The following VAV3 variants were observed in gnomAD, a reference collection of about 807,000 sequenced individuals.
The protein encoded by VAV3 is vav guanine nucleotide exchange factor 3.
Under a neutral mutation model 131.2 loss-of-function variants are expected in VAV3, and 94 were observed. The observed-to-expected ratio is 0.72, with a 90% CI of 0.61 to 0.85. VAV3 has a LOEUF of 0.85. Ranked by LOEUF, VAV3 falls within the 40% of genes least tolerant of loss-of-function variation. The pLI is 0.00. For missense variants in VAV3, 939 were observed against 1,002.7 expected (o/e 0.94, Z 0.86); for synonymous variants, 349 against 342.0 (o/e 1.02, Z -0.22).
intron 1 of VAV3, among the ~76,000 whole-genome samples, chr1:107,879,032 A>AT (rs984358700): frequency 1.3e-5 from 2 of 151,864 alleles, no homozygotes; most frequent in African/African-American, 4.8e-5. Context: ...TGCCATCATT[A>AT]TTTTTTTAAT....
At chr1:107,945,193 G>C (rs1233589148) in intron 1 of VAV3, among the ~76,000 whole-genome samples, 1 of 152,006 alleles carries the variant, frequency 6.6e-6, no homozygotes, top group East Asian at 1.9e-4. Context: ...ATGTTTATTT[G>C]CCCTCTCTTC....
chr1:107,909,090 AAAAAT>A (rs1672248612), intron 1 of VAV3, among the ~76,000 whole-genome samples: 1 of 152,206 alleles, frequency 6.6e-6, no homozygotes, highest in South Asian at 2.1e-4. Context: ...TTTGCTATCT[AAAAAT>A]AACTTTTTCA....
chr1:107,574,473 G>GAAACA (rs1048994872), intron 25 of VAV3, among the ~76,000 whole-genome samples: 2 of 151,906 alleles, frequency 1.3e-5, no homozygotes, highest in Non-Finnish European at 2.9e-5. Flanking sequence ...TTATAAAAAT[G>GAAACA]AAACAAAACA....
intron 1 of VAV3, among the ~76,000 whole-genome samples, chr1:107,898,512 T>A (rs775651852): frequency 1.2e-4 from 19 of 152,188 alleles, no homozygotes; most frequent in Non-Finnish European, 2.8e-4. Flanking sequence ...TCTTTATAAG[T>A]GCTCTGTTAC....
At chr1:107,946,526 A>G (rs1185271092) in intron 1 of VAV3, among the ~76,000 whole-genome samples, 2 of 152,244 alleles carry the variant, frequency 1.3e-5, no homozygotes, top group Non-Finnish European at 2.9e-5. Flanking sequence ...AAAAATGTTT[A>G]TGACCATTGA....
intron 9 of VAV3, among the ~76,000 whole-genome samples, chr1:107,761,095 AAAT>A (rs1462020968): frequency 6.6e-6 from 1 of 152,246 alleles, no homozygotes; most frequent in African/African-American, 2.4e-5. Context: ...TTGTGTATGA[AAAT>A]TATTTTCTTG....
At chr1:107,645,324 T>A (rs967813640) in intron 19 of VAV3, among the ~76,000 whole-genome samples, 8 of 57,330 alleles carry the variant, frequency 1.4e-4, no homozygotes, top group African/African-American at 3.1e-4. Context: ...GGAATGTATT[T>A]TTTTTTTTTT....
At chr1:107,821,411 A>G (rs549885316) in intron 2 of VAV3, among the ~76,000 whole-genome samples, 1 of 152,358 alleles carries the variant, frequency 6.6e-6, no homozygotes, top group South Asian at 2.1e-4. Flanking sequence ...TGCTGGGCCA[A>G]TGAAGGAGGG....
intron 15 of VAV3, among the ~76,000 whole-genome samples, chr1:107,738,881 C>A (rs1662841381): frequency 6.6e-6 from 1 of 152,154 alleles, no homozygotes. Flanking sequence ...CTCTACACTA[C>A]TCAGACAAGC....
intron 12 of VAV3, 133 bp downstream of exon 12, chr1:107,755,294 G>A (rs1333722389): frequency 8.7e-6 from 6 of 689,900 alleles, no homozygotes; most frequent in African/African-American, 3.6e-5. Context: ...CATGAACACT[G>A]CCAAACAAAG....
chr1:107,782,752 C>T (rs548933011), intron 2 of VAV3, among the ~76,000 whole-genome samples: 6 of 152,306 alleles, frequency 3.9e-5, no homozygotes, highest in Admixed American at 2.0e-4. Context: ...GAAGCGTATC[C>T]GGATTTGGAA....
At chr1:107,785,287 G>A (rs1665920263) in intron 2 of VAV3, among the ~76,000 whole-genome samples, 1 of 152,170 alleles carries the variant, frequency 6.6e-6, no homozygotes, top group African/African-American at 2.4e-5. Flanking sequence ...AGGAAGCCAT[G>A]AGACCAACAT....
rs769879359 is a variant in VAV3 at position 107,683,536 on chromosome 1, G to A, written c.1732-3C>T. 5.0e-6 allele frequency: 8 copies of A among 1,613,790 alleles called. No homozygotes were observed. Among genetic ancestry groups the A allele is most frequent in the Non-Finnish European group, 5.9e-6 (7 of 1,179,756 alleles). ...CTTCGCAGTCCATTGGTCCGTTTCT[G>A]TGCAGTAAAGTAAAACAAAGCAAAA... On this transcript the variant is annotated splice_region_variant and splice_polypyrimidine_tract_variant and intron_variant, in intron 18 of 26. Coordinates refer to ENST00000370056, the MANE Select transcript of VAV3 (RefSeq NM_006113.5).
intron 1 of VAV3, among the ~76,000 whole-genome samples, chr1:107,958,850 T>C (rs1674943871): frequency 6.6e-6 from 1 of 152,210 alleles, no homozygotes; most frequent in Non-Finnish European, 1.5e-5. Context: ...ATTCTTCATA[T>C]ATAGATATAT....
chr1:107,954,122 C>G (rs918975183), intron 1 of VAV3, among the ~76,000 whole-genome samples: 4 of 152,096 alleles, frequency 2.6e-5, no homozygotes, highest in Non-Finnish European at 5.9e-5. Context: ...CATGAAGGGT[C>G]TATGTTAACA....
intron 19 of VAV3, among the ~76,000 whole-genome samples, chr1:107,646,331 T>C (rs1455356510): frequency 6.6e-6 from 1 of 152,000 alleles, no homozygotes; most frequent in Non-Finnish European, 1.5e-5. Flanking sequence ...CCAACAATTG[T>C]TTAGTTTCTC....
intron 1 of VAV3, among the ~76,000 whole-genome samples, chr1:107,913,617 C>T (rs1012618167): frequency 1.3e-5 from 2 of 152,060 alleles, no homozygotes; most frequent in African/African-American, 4.8e-5. Flanking sequence ...TCATGAAATA[C>T]ATAAGTACAC....
chr1:107,635,798 T>C (rs180759341), intron 20 of VAV3, among the ~76,000 whole-genome samples: 32 of 152,228 alleles, frequency 2.1e-4, no homozygotes, highest in African/African-American at 7.5e-4. Context: ...AATAACATGA[T>C]TGTAAAAGAA....
chr1:107,657,298 A>T (rs1314351053), intron 19 of VAV3, among the ~76,000 whole-genome samples: 1 of 152,196 alleles, frequency 6.6e-6, no homozygotes, highest in African/African-American at 2.4e-5. Context: ...CTTATGAAAC[A>T]AAACAATTTA....
Sources: allele counts gnomAD v4.1 joint callset (sites outside exome capture counted in the v4.1 genomes callset), GRCh38; gene constraint gnomAD v4.1.1; transcripts MANE v1.5; gene names NCBI Gene and HGNC (gene_info 2026-07-23, HGNC 2026-07-21).